The following GRIN2A variants were observed in gnomAD, a reference collection of about 807,000 sequenced individuals.
The protein encoded by GRIN2A is glutamate receptor ionotropic, NMDA 2A.
In GRIN2A, 22 loss-of-function variants were observed where a neutral mutation model predicts 113.4. The ratio of observed to expected loss-of-function variants is 0.19; its 90% CI spans 0.14 to 0.28. GRIN2A has a LOEUF of 0.28. Among genes scored for constraint, GRIN2A ranks in the 10% least tolerant of loss-of-function variants. The pLI, the probability that GRIN2A is intolerant of heterozygous loss-of-function variation, is 1.00. For missense variants in GRIN2A, 1,502 were observed against 1,887.0 expected (o/e 0.80, Z 3.78); for synonymous variants, 827 against 738.4 (o/e 1.12, Z -1.94).
intron 2 of GRIN2A, among the ~76,000 whole-genome samples, chr16:10,130,705 G>C (rs537415457): frequency 6.6e-6 from 1 of 152,158 alleles, no homozygotes; most frequent in Non-Finnish European, 1.5e-5. Flanking sequence ...TATAACCCAG[G>C]GGACTCTCTC....
At chr16:9,962,731 G>A (rs1186690554) in intron 2 of GRIN2A, among the ~76,000 whole-genome samples, 2 of 152,062 alleles carry the variant, frequency 1.3e-5, no homozygotes, top group Non-Finnish European at 2.9e-5. Context: ...CAGGGATCTA[G>A]AACTAGAAAT....
At chr16:10,067,756 A>G (rs1012155414) in intron 2 of GRIN2A, among the ~76,000 whole-genome samples, 1 of 152,004 alleles carries the variant, frequency 6.6e-6, no homozygotes, top group African/African-American at 2.4e-5. Context: ...CCCAAGGGAC[A>G]TTGGCAATGT....
At chr16:10,008,627 A>G (rs1443993267) in intron 2 of GRIN2A, among the ~76,000 whole-genome samples, 2 of 152,210 alleles carry the variant, frequency 1.3e-5, no homozygotes, top group South Asian at 2.1e-4. Flanking sequence ...GTAACTTCCT[A>G]TAGGTACTCA....
Position 9,775,185 on chromosome 16 carries a change from C to T in GRIN2A, c.2357-6096G>A, listed in dbSNP as rs117310140. On this transcript the variant is annotated intron_variant, in intron 11 of 12. Coordinates refer to ENST00000330684, the MANE Select transcript of GRIN2A (RefSeq NM_001134407.3). ...GAAACATATCTTCTAAAATCAGCTT[C>T]CACAGGCACACGTCTACATATTTTT... 8.5e-3 allele frequency among the ~76,000 whole-genome samples: 1,288 copies of T among 152,244 alleles called. 6 individuals carry two copies. Among genetic ancestry groups the T allele is most frequent in the Non-Finnish European group, 0.013 (894 of 68,010 alleles).
intron 2 of GRIN2A, among the ~76,000 whole-genome samples, chr16:10,016,825 C>A (rs1364990600): frequency 2.0e-5 from 3 of 152,208 alleles, no homozygotes; most frequent in Non-Finnish European, 2.9e-5. Flanking sequence ...CCAATCAGTG[C>A]AGACCAGAGC....
intron 10 of GRIN2A, among the ~76,000 whole-genome samples, chr16:9,801,505 A>T (rs1567307618): frequency 6.6e-6 from 1 of 152,262 alleles, no homozygotes; most frequent in Non-Finnish European, 1.5e-5. Context: ...TAGCAACCAC[A>T]TAAGAGTTGT....
At chr16:9,966,012 C>A (rs1463131957) in intron 2 of GRIN2A, among the ~76,000 whole-genome samples, 1 of 152,206 alleles carries the variant, frequency 6.6e-6, no homozygotes, top group African/African-American at 2.4e-5. Flanking sequence ...AAATATGCAG[C>A]ACCTTAAGCC....
At chr16:9,865,332 T>A (rs2043144598) in intron 4 of GRIN2A, among the ~76,000 whole-genome samples, 1 of 152,086 alleles carries the variant, frequency 6.6e-6, no homozygotes, top group Non-Finnish European at 1.5e-5. Context: ...ATTATCCCCA[T>A]CTCAGACAGT....
At chr16:9,918,066 A>G (rs1362411874) in intron 3 of GRIN2A, among the ~76,000 whole-genome samples, 1 of 152,188 alleles carries the variant, frequency 6.6e-6, no homozygotes, top group African/African-American at 2.4e-5. Flanking sequence ...TACTGAGCTA[A>G]ATGTTTTACA....
intron 2 of GRIN2A, among the ~76,000 whole-genome samples, chr16:10,154,115 C>G (rs376356266): frequency 2.4e-4 from 36 of 152,120 alleles, no homozygotes; most frequent in African/African-American, 8.5e-4. Context: ...TTGTGGCAAT[C>G]AAATGTGAGC....
intron 11 of GRIN2A, among the ~76,000 whole-genome samples, chr16:9,777,508 G>A (rs1471298459): frequency 2.6e-5 from 4 of 152,216 alleles, no homozygotes. Context: ...TTCCATTTCT[G>A]TATAATGCTG....
At chr16:10,112,985 G>A (rs1317369722) in intron 2 of GRIN2A, 4 of 325,970 alleles carry the variant, frequency 1.2e-5, no homozygotes, top group Non-Finnish European at 1.8e-5. Context: ...TTTGCACTAC[G>A]GGTTCCCCAG....
At chr16:10,022,130 TG>T (rs1163155337) in intron 2 of GRIN2A, among the ~76,000 whole-genome samples, 1 of 149,238 alleles carries the variant, frequency 6.7e-6, no homozygotes, top group Non-Finnish European at 1.5e-5. Flanking sequence ...ACTGTGATTA[TG>T]AGGCACACAT....
chr16:10,022,003 C>T (rs1007570195), intron 2 of GRIN2A, among the ~76,000 whole-genome samples: 1 of 152,132 alleles, frequency 6.6e-6, no homozygotes, highest in Non-Finnish European at 1.5e-5. Flanking sequence ...ATACCTATCT[C>T]ATAATACCTC....
chr16:9,955,254 T>A (rs1293677778), intron 2 of GRIN2A, among the ~76,000 whole-genome samples: 2 of 152,200 alleles, frequency 1.3e-5, no homozygotes, highest in African/African-American at 4.8e-5. Context: ...CCTCCCCACC[T>A]TGCTTTCTCC....
intron 2 of GRIN2A, among the ~76,000 whole-genome samples, chr16:10,041,861 C>T (rs1447993948): frequency 6.6e-6 from 1 of 152,208 alleles, no homozygotes; most frequent in African/African-American, 2.4e-5. Flanking sequence ...TGGAAGTAAA[C>T]CACCTCCTTC....
chr16:10,042,563 T>C (rs948917074), intron 2 of GRIN2A, among the ~76,000 whole-genome samples: 11 of 152,184 alleles, frequency 7.2e-5, no homozygotes, highest in Non-Finnish European at 1.3e-4. Context: ...ACTAAGTTGC[T>C]CCCGAATATG....
At chr16:9,790,759 G>T (rs1161529141) in intron 11 of GRIN2A, among the ~76,000 whole-genome samples, 1 of 152,164 alleles carries the variant, frequency 6.6e-6, no homozygotes, top group African/African-American at 2.4e-5. Flanking sequence ...ATTAAAGAAG[G>T]TATTAAATCG....
chr16:10,174,218 A>G (rs1460843846), intron 2 of GRIN2A, among the ~76,000 whole-genome samples: 1 of 152,242 alleles, frequency 6.6e-6, no homozygotes, highest in African/African-American at 2.4e-5. Context: ...ACCATCCACC[A>G]TTAGTCACAG....
Sources: gnomAD v4.1 joint callset for allele counts (sites outside exome capture counted in the v4.1 genomes callset) on GRCh38, gnomAD v4.1.1 for gene constraint, MANE v1.5 for transcripts, NCBI Gene and HGNC (gene_info 2026-07-23, HGNC 2026-07-21) for gene names.